DST: variants seen among roughly 807,000 people sequenced by gnomAD.
The protein encoded by DST is bullous pemphigoid antigen.
A neutral mutation model predicts 875.2 loss-of-function variants in DST; 253 were observed. The ratio of observed to expected loss-of-function variants is 0.29; its 90% confidence interval spans 0.26 to 0.32. The LOEUF (loss-of-function observed/expected upper bound fraction) is 0.32. Ranked by LOEUF, DST falls within the 10% of genes least tolerant of loss-of-function variation. The pLI, the probability that DST is intolerant of heterozygous loss-of-function variation, is 1.00. For synonymous variants in DST, 3,124 were observed against 3,197.1 expected, an observed-to-expected ratio of 0.98 and a Z score of 0.77; for missense variants, 8,287 against 9,111.6, an observed-to-expected ratio of 0.91 and a Z score of 3.68.
chr6:56,908,824 T>TC (rs1010065696), intron 2 of DST, among the ~76,000 whole-genome samples: 41 of 152,170 alleles, frequency 2.7e-4, no homozygotes, highest in African/African-American at 9.4e-4. Flanking sequence ...ACTGCTACAC[T>TC]CCGCCCACCG....
At chr6:56,950,300 C>T (rs1821684604) in intron 2 of DST, among the ~76,000 whole-genome samples, 2 of 152,176 alleles carry the variant, frequency 1.3e-5, no homozygotes, top group Admixed American at 1.3e-4. Context: ...TTCCACTGAG[C>T]TCATGAATAG....
intron 4 of DST, among the ~76,000 whole-genome samples, chr6:56,814,476 C>T (rs1206832462): frequency 1.3e-5 from 2 of 152,154 alleles, no homozygotes; most frequent in Non-Finnish European, 2.9e-5. Flanking sequence ...ATAGCACCTG[C>T]CACTAACAGT....
At chr6:56,871,775 G>GAA in intron 3 of DST, 1 of 85,726 alleles carries the variant, frequency 1.2e-5, no homozygotes, top group Non-Finnish European at 2.1e-5. Context: ...ACAATTAAAA[G>GAA]TAAAAAAAAA....
chr6:56,825,502 T>TAAAAAA (rs749148452), intron 4 of DST, among the ~76,000 whole-genome samples: 2 of 109,348 alleles, frequency 1.8e-5, no homozygotes, highest in Non-Finnish European at 3.5e-5. Flanking sequence ...CAATAAATAC[T>TAAAAAA]AAAAAAAAAA....
chr6:56,620,345 G>C, intron 36 of DST: 1 of 1,614,090 alleles, frequency 6.2e-7, no homozygotes. Context: ...CTCTTCCACG[G>C]CAGCTCTTTT....
At chr6:56,630,667 G>A (rs2098770926) in intron 30 of DST, among the ~76,000 whole-genome samples, 1 of 152,126 alleles carries the variant, frequency 6.6e-6, no homozygotes. Context: ...GGCTACAACT[G>A]CTGAGCTACC....
In DST at chr6:56,618,072, G is replaced by C. The variant is rs535584360; in HGVS notation, c.4930-3588C>G. On this transcript the variant is annotated intron_variant, in intron 36 of 103. Coordinates refer to ENST00000680361, the MANE Select transcript of DST (RefSeq NM_001374736.1). ...GGTGGTCTAGAATTGTTCAGGGCTT[G>C]GTCTCTTATCTTCTCAATTTCAGAC... The C allele has an allele frequency of 6.2e-7, 1 of 1,614,020 alleles. No individual in the cohort carries two copies. Among genetic ancestry groups the C allele is most frequent in the East Asian group, 2.2e-5 (1 of 44,872 alleles).
intron 49 of DST, among the ~76,000 whole-genome samples, chr6:56,591,829 G>T (rs538858460): frequency 1.3e-5 from 2 of 151,502 alleles, no homozygotes; most frequent in African/African-American, 4.9e-5. Flanking sequence ...AAAAATTAGC[G>T]CCTGTAGTCC....
chr6:56,642,299 C>T lies in DST; in HGVS notation c.1872+111G>A, dbSNP rs576260769. The T allele has an allele frequency of 5.5e-6, 5 of 915,180 alleles. No homozygotes were observed. The African/African-American group carries it at 6.5e-5, about 12-fold the overall frequency. The allele number at this position is 915,180 out of a possible 1,614,324, so 56.7% of individuals were successfully genotyped here. A position where few individuals can be genotyped will look rare whatever the true frequency, so the allele number is the denominator to read the frequency against. Reference sequence around the variant, plus strand: ...ATAATCTTTAACAAACTTTAAGTTTCAGTGGAGAGTATTACGAAGAATCAA... The same window carrying T: ...ATAATCTTTAACAAACTTTAAGTTTTAGTGGAGAGTATTACGAAGAATCAA... On this transcript the variant is annotated intron_variant, in intron 16 of 103. Coordinates refer to ENST00000680361, the MANE Select transcript of DST (RefSeq NM_001374736.1).
chr6:56,747,941 T>C (rs2099577339), intron 4 of DST, among the ~76,000 whole-genome samples: 1 of 152,138 alleles, frequency 6.6e-6, no homozygotes, highest in Non-Finnish European at 1.5e-5. Flanking sequence ...CAAGATACCT[T>C]CAAAATTTAT....
intron 51 of DST, among the ~76,000 whole-genome samples, chr6:56,573,277 C>T (rs1014310): frequency 8.6e-5 from 13 of 151,922 alleles, no homozygotes; most frequent in Non-Finnish European, 1.9e-4. Flanking sequence ...GCTAGTTGGT[C>T]GAAAGAGGCA....
chr6:56,727,313 C>T (rs562370113), intron 5 of DST, among the ~76,000 whole-genome samples: 2 of 152,312 alleles, frequency 1.3e-5, no homozygotes, highest in Non-Finnish European at 2.9e-5. Flanking sequence ...TAAAACCTAG[C>T]TGTGCCCGGA....
intron 4 of DST, among the ~76,000 whole-genome samples, chr6:56,749,589 G>A (rs963303926): frequency 2.0e-5 from 3 of 152,128 alleles, no homozygotes; most frequent in African/African-American, 7.2e-5. Context: ...AGAATTCTTA[G>A]TAACTACTTT....
chr6:56,765,115 T>C (rs1191117178), intron 4 of DST, among the ~76,000 whole-genome samples: 5 of 152,166 alleles, frequency 3.3e-5, no homozygotes, highest in Non-Finnish European at 7.3e-5. Context: ...GGTTCCAGTT[T>C]CTTATCTGTA....
At chr6:56,873,979 C>T (rs1218613472) in intron 3 of DST, among the ~76,000 whole-genome samples, 1 of 152,100 alleles carries the variant, frequency 6.6e-6, no homozygotes, top group Non-Finnish European at 1.5e-5. Flanking sequence ...TTCAGTGGTG[C>T]ATAACTATAG....
At chr6:56,648,782 T>A (rs1373756085) in intron 12 of DST, 93 bp from the exon 13 acceptor site, 1 of 1,104,194 alleles carries the variant, frequency 9.1e-7, no homozygotes, top group South Asian at 1.7e-5. Flanking sequence ...TGTAAATGTA[T>A]GTATTTGAAG....
In DST at chr6:56,603,086, C is replaced by T. The variant is rs2098460455; in HGVS notation, c.11158-55G>A. ...CTTTCCCCAAAATGTCAAATTCTTACAAATAATGACTGTGGTTTAAGAGTT... is the reference window on the plus strand; with the variant it reads ...CTTTCCCCAAAATGTCAAATTCTTATAAATAATGACTGTGGTTTAAGAGTT... On this transcript the variant is annotated intron_variant, in intron 42 of 103. Transcript: ENST00000680361. 7 of 1,538,852 alleles carry T rather than the reference C, an allele frequency of 4.5e-6. No homozygotes were observed. The Admixed American group carries it at 8.4e-5, about 18-fold the overall frequency.
chr6:56,763,139 A>G (rs2152966273), intron 4 of DST, among the ~76,000 whole-genome samples: 1 of 151,984 alleles, frequency 6.6e-6, no homozygotes, highest in East Asian at 1.9e-4. Context: ...CGTGAGCCAC[A>G]GCACCCAGCC....
intron 4 of DST, among the ~76,000 whole-genome samples, chr6:56,814,176 C>T (rs1252168336): frequency 6.6e-6 from 1 of 152,032 alleles, no homozygotes; most frequent in Non-Finnish European, 1.5e-5. Flanking sequence ...TATAGGTTCG[C>T]ATAATGAAGG....
Sources: gnomAD v4.1 joint callset for allele counts (sites outside exome capture counted in the v4.1 genomes callset) on GRCh38, gnomAD v4.1.1 for gene constraint, MANE v1.5 for transcripts, NCBI Gene and HGNC (gene_info 2026-07-23, HGNC 2026-07-21) for gene names.